MYT1L: variants seen among roughly 807,000 people sequenced by gnomAD.
The protein encoded by MYT1L is myelin transcription factor 1 like.
In MYT1L, 12 loss-of-function variants were observed where a neutral mutation model predicts 126.7. That is an observed-to-expected ratio of 0.09 (90% confidence interval 0.06 to 0.15). MYT1L has a LOEUF of 0.15. MYT1L is among the 10% of genes least tolerant of loss of function. The pLI is 1.00. For synonymous variants in MYT1L, 541 were observed against 604.2 expected (o/e 0.90, Z 1.53); for missense variants, 979 against 1,585.2 (o/e 0.62, Z 6.49).
intron 21 of MYT1L, 50 bp from the exon 22 acceptor site, chr2:1,809,217 C>T: frequency 6.4e-7 from 1 of 1,559,294 alleles, no homozygotes; most frequent in Non-Finnish European, 8.8e-7. Context: ...AATGTCCCAG[C>T]CCTGCAGGGA....
intron 2 of MYT1L, among the ~76,000 whole-genome samples, chr2:2,264,762 C>T (rs1443582804): frequency 1.3e-5 from 2 of 152,222 alleles, no homozygotes; most frequent in South Asian, 2.1e-4. Context: ...GGCCACGAAT[C>T]GTAAAAATGT....
At chr2:2,001,776 C>T (rs2062419535) in intron 4 of MYT1L, among the ~76,000 whole-genome samples, 1 of 152,204 alleles carries the variant, frequency 6.6e-6, no homozygotes, top group Admixed American at 6.5e-5. Flanking sequence ...CTTTGTTGGG[C>T]ATGACCTCTT....
At chr2:2,056,250 CTCCTT>C (rs1391508940) in intron 3 of MYT1L, among the ~76,000 whole-genome samples, 4 of 152,178 alleles carry the variant, frequency 2.6e-5, no homozygotes. Flanking sequence ...GTGCTCCTGG[CTCCTT>C]TCCTGGGTCC....
chr2:2,276,974 C>A (rs1284068613), intron 2 of MYT1L, among the ~76,000 whole-genome samples: 7 of 150,548 alleles, frequency 4.6e-5, no homozygotes, highest in Non-Finnish European at 7.4e-5. Context: ...CCGATTGATT[C>A]TTTTTTTTTC....
At chr2:2,214,301 C>CTATCTATG (rs1316996848) in intron 2 of MYT1L, among the ~76,000 whole-genome samples, 1 of 147,328 alleles carries the variant, frequency 6.8e-6, no homozygotes, top group African/African-American at 2.5e-5. Context: ...ATCTATCTAT[C>CTATCTATG]TATGTTTGAA....
chr2:2,203,740 T>C (rs1362935843), intron 2 of MYT1L, among the ~76,000 whole-genome samples: 3 of 152,130 alleles, frequency 2.0e-5, no homozygotes, highest in Non-Finnish European at 2.9e-5. Flanking sequence ...TGACTTTCTT[T>C]GCAGAATTGG....
chr2:2,233,468 C>T (rs941105663), intron 2 of MYT1L, among the ~76,000 whole-genome samples: 7 of 152,146 alleles, frequency 4.6e-5, no homozygotes, highest in East Asian at 1.9e-4. Flanking sequence ...TCTTGGAGGC[C>T]GCCTGCTCTG....
chr2:1,836,939 GA>G (rs2040984773), intron 21 of MYT1L, among the ~76,000 whole-genome samples: 1 of 152,240 alleles, frequency 6.6e-6, no homozygotes, highest in Admixed American at 6.5e-5. Context: ...AAGAAACAGG[GA>G]AGGGTGGAAA....
intron 18 of MYT1L, among the ~76,000 whole-genome samples, chr2:1,877,039 A>AG (rs1291763312): frequency 6.6e-6 from 1 of 152,184 alleles, no homozygotes; most frequent in African/African-American, 2.4e-5. Flanking sequence ...GTGGTTCTGT[A>AG]GGATAAATTA....
intron 19 of MYT1L, among the ~76,000 whole-genome samples, chr2:1,850,031 TG>T (rs2043009281): frequency 1.4e-5 from 1 of 69,758 alleles, no homozygotes; most frequent in Non-Finnish European, 2.8e-5. Context: ...GGCGGGGTGG[TG>T]AGGGGGGGGC....
chr2:1,903,223 G>A lies in MYT1L; in HGVS notation c.1889C>T (p.Pro630Leu), dbSNP rs2148960102. 2 of 1,613,938 alleles carry A rather than the reference G, an allele frequency of 1.2e-6. No individual in the cohort carries two copies. Among genetic ancestry groups the A allele is most frequent in the Non-Finnish European group, 1.7e-6 (2 of 1,179,880 alleles). The change falls in exon 14 of 25, where the codon CCG becomes CTG. Residue 630 changes from proline (P) to leucine (L), a missense_variant. This residue lies in a region of MYT1L where 82 missense variants were observed against 177.2 expected (regional missense o/e 0.46). Transcript: ENST00000647738. ...GAGCTCCTTGGCCAGGTTGGAACGC[G>A]GCGTAGTTGTGGGGACATTGTTTCT... ...GYRNNVPTTT[P>L]RSNLAKELEK...
chr2:2,252,737 G>A (rs765726093), intron 2 of MYT1L, among the ~76,000 whole-genome samples: 20 of 152,108 alleles, frequency 1.3e-4, no homozygotes, highest in Non-Finnish European at 2.6e-4. Flanking sequence ...AGAGGCCATC[G>A]TCTTCTTCAT....
intron 3 of MYT1L, among the ~76,000 whole-genome samples, chr2:2,164,429 G>A (rs2088645945): frequency 2.0e-5 from 3 of 152,120 alleles, no homozygotes; most frequent in South Asian, 2.1e-4. Flanking sequence ...TGGCTTGCAC[G>A]ACTATGAACA....
At chr2:2,088,219 C>T (rs894438225) in intron 3 of MYT1L, among the ~76,000 whole-genome samples, 6 of 152,076 alleles carry the variant, frequency 3.9e-5, no homozygotes, top group Non-Finnish European at 7.4e-5. Flanking sequence ...TGGGCATCAC[C>T]GAAGAGAAGG....
At chr2:2,196,752 A>G (rs1016520449) in intron 2 of MYT1L, among the ~76,000 whole-genome samples, 5 of 151,980 alleles carry the variant, frequency 3.3e-5, no homozygotes, top group African/African-American at 1.2e-4. Context: ...TATAGACAGA[A>G]TAAAGGAATA....
chr2:2,022,795 C>A (rs1442110963), intron 4 of MYT1L, among the ~76,000 whole-genome samples: 1 of 152,148 alleles, frequency 6.6e-6, no homozygotes, highest in African/African-American at 2.4e-5. Flanking sequence ...ATTCAACAGC[C>A]TGCAAATTGA....
chr2:2,216,047 C>G (rs186160602), intron 2 of MYT1L, among the ~76,000 whole-genome samples: 2,976 of 117,908 alleles, frequency 0.025, 59 homozygotes, highest in African/African-American at 0.072. Context: ...CTGTCTGTCT[C>G]TCTCTCTCTC....
intron 1 of MYT1L, among the ~76,000 whole-genome samples, chr2:2,304,503 T>G (rs1276856124): frequency 6.6e-6 from 1 of 152,226 alleles, no homozygotes; most frequent in Non-Finnish European, 1.5e-5. Flanking sequence ...CATCATCCTC[T>G]TCATTTTTAT....
intron 2 of MYT1L, among the ~76,000 whole-genome samples, chr2:2,189,063 T>A (rs1181396680): frequency 2.6e-5 from 4 of 152,136 alleles, no homozygotes; most frequent in East Asian, 1.9e-4. Flanking sequence ...AACCAGCCTC[T>A]CCAATCCATT....
Sources: gnomAD v4.1 joint callset for allele counts (sites outside exome capture counted in the v4.1 genomes callset) on GRCh38, gnomAD v4.1.1 for gene constraint, gnomAD v4.1.1 regional missense constraint, MANE v1.5 for transcripts, NCBI Gene and HGNC (gene_info 2026-07-23, HGNC 2026-07-21) for gene names.